The following GPC6 variants were observed in gnomAD, a reference collection of about 807,000 sequenced individuals.
GPC6 encodes the protein glypican-6.
A neutral mutation model predicts 55.2 loss-of-function variants in GPC6; 14 were observed. The ratio of observed to expected loss-of-function variants is 0.25; its 90% CI spans 0.17 to 0.40. The LOEUF is 0.40. GPC6 is among the 10% of genes least tolerant of loss of function. The probability of loss-of-function intolerance (pLI) is 1.00; values close to 1 mark genes in which losing one functional copy is unlikely to be tolerated. For synonymous variants in GPC6, 278 were observed against 259.6 expected (o/e 1.07, Z -0.68); for missense variants, 641 against 708.5 (o/e 0.90, Z 1.08).
intron 1 of GPC6, among the ~76,000 whole-genome samples, chr13:93,356,591 A>G (rs1392200230): frequency 6.6e-6 from 1 of 152,234 alleles, no homozygotes; most frequent in African/African-American, 2.4e-5. Flanking sequence ...TTTTATGTCC[A>G]GTAAAAGTCA....
chr13:93,989,651 C>T (rs1881202028), intron 3 of GPC6, among the ~76,000 whole-genome samples: 1 of 152,050 alleles, frequency 6.6e-6, no homozygotes, highest in African/African-American at 2.4e-5. Flanking sequence ...CATCAAGCAG[C>T]AATAATGTCA....
At chr13:93,886,044 A>G (rs1875305186) in intron 3 of GPC6, among the ~76,000 whole-genome samples, 1 of 152,114 alleles carries the variant, frequency 6.6e-6, no homozygotes, top group Non-Finnish European at 1.5e-5. Context: ...TTTGAATGTT[A>G]TTGAAATAGT....
intron 1 of GPC6, among the ~76,000 whole-genome samples, chr13:93,389,291 A>T: frequency 6.6e-6 from 1 of 151,770 alleles, no homozygotes; most frequent in African/African-American, 2.4e-5. Context: ...AGGTCAGGAG[A>T]TCGAGACCAT....
At chr13:94,271,382 G>GCGCGCACACACACACACA (rs1491286473) in intron 4 of GPC6, among the ~76,000 whole-genome samples, 6 of 126,684 alleles carry the variant, frequency 4.7e-5, no homozygotes, top group African/African-American at 1.8e-4. Context: ...GCGCGCGCGC[G>GCGCGCACACACACACACA]CACACACACA....
chr13:93,934,264 G>A (rs1346698689), intron 3 of GPC6, among the ~76,000 whole-genome samples: 2 of 152,104 alleles, frequency 1.3e-5, no homozygotes, highest in African/African-American at 4.8e-5. Flanking sequence ...GAGATGAGCT[G>A]CTAAGTATAA....
chr13:93,691,579 C>CT (rs1882259018), intron 2 of GPC6, among the ~76,000 whole-genome samples: 1 of 151,448 alleles, frequency 6.6e-6, no homozygotes, highest in Non-Finnish European at 1.5e-5. Flanking sequence ...CCATGAAACA[C>CT]TTTTTTCAGA....
intron 2 of GPC6, among the ~76,000 whole-genome samples, chr13:93,685,216 C>T (rs1038795101): frequency 5.3e-5 from 8 of 152,260 alleles, no homozygotes; most frequent in African/African-American, 1.9e-4. Context: ...TCAAGGCAGA[C>T]CAGTGCCTGT....
chr13:94,196,798 C>T (rs76989178), intron 4 of GPC6, among the ~76,000 whole-genome samples: 125 of 152,158 alleles, frequency 8.2e-4, no homozygotes, highest in East Asian at 7.7e-3. Flanking sequence ...CCATATTTGA[C>T]GGAAAAGGAA....
At chr13:93,782,834 ATATT>A (rs1278339230) in intron 2 of GPC6, among the ~76,000 whole-genome samples, 1 of 152,030 alleles carries the variant, frequency 6.6e-6, no homozygotes, top group Non-Finnish European at 1.5e-5. Flanking sequence ...ATTCTGGGTA[ATATT>A]TATTTATTAT....
intron 1 of GPC6, among the ~76,000 whole-genome samples, chr13:93,326,596 A>C (rs1879665360): frequency 6.6e-6 from 1 of 152,202 alleles, no homozygotes; most frequent in Non-Finnish European, 1.5e-5. Context: ...CTTTTGCAGA[A>C]AGTCCATAAT....
intron 4 of GPC6, among the ~76,000 whole-genome samples, chr13:94,122,208 C>T (rs1224786100): frequency 2.0e-5 from 3 of 151,956 alleles, no homozygotes; most frequent in East Asian, 3.9e-4. Flanking sequence ...ATAGAGAATA[C>T]ACCTGATTTT....
chr13:93,731,464 G>C (rs1883817305), intron 2 of GPC6, among the ~76,000 whole-genome samples: 1 of 152,150 alleles, frequency 6.6e-6, no homozygotes, highest in African/African-American at 2.4e-5. Flanking sequence ...CTGGAAATTA[G>C]CTTGGTGGTT....
At position 93,732,655 on chromosome 13, in the gene GPC6, A is replaced by G. The variant is rs544795658; in HGVS notation, c.320-97499A>G. On this transcript the variant is annotated intron_variant, in intron 2 of 8. Coordinates refer to ENST00000377047, the MANE Select transcript of GPC6 (RefSeq NM_005708.5). ...AAGTAGGGTTTCTGAAACAAATTCA[A>G]TAAATGTATTTTAAGAAATTGCTCT... Among the ~76,000 whole-genome samples the G allele has an allele frequency of 5.9e-5, 9 of 152,294 alleles. 1 individual carries two copies. In the South Asian group the frequency reaches 1.9e-3, roughly 32 times the overall value.
At chr13:93,415,800 G>C (rs756914538) in intron 1 of GPC6, among the ~76,000 whole-genome samples, 1 of 152,012 alleles carries the variant, frequency 6.6e-6, no homozygotes, top group Non-Finnish European at 1.5e-5. Flanking sequence ...GAACAGCCTA[G>C]CTGTATCTTT....
Position 93,691,277 on chromosome 13 carries a change from G to A in GPC6, c.320-138877G>A, listed in dbSNP as rs139204613. Among the ~76,000 whole-genome samples, 197 of 152,234 alleles carry A rather than the reference G, an allele frequency of 1.3e-3. 1 individual carries two copies. Among genetic ancestry groups the A allele is most frequent in the African/African-American group, 4.5e-3 (188 of 41,568 alleles). On this transcript the variant is annotated intron_variant, in intron 2 of 8. Coordinates refer to ENST00000377047, the MANE Select transcript of GPC6 (RefSeq NM_005708.5). ...TAAGTCTGTATATTTTAGTTATAAT[G>A]TAGAGAAGTGATCTACCAAAAGAAC... is the stretch of plus-strand genomic sequence containing the variant.
intron 4 of GPC6, among the ~76,000 whole-genome samples, chr13:94,172,102 C>T (rs1464892318): frequency 2.6e-5 from 4 of 152,114 alleles, no homozygotes; most frequent in Non-Finnish European, 4.4e-5. Context: ...CAGCAACTTG[C>T]CCTCAGGCAC....
intron 1 of GPC6, among the ~76,000 whole-genome samples, chr13:93,291,865 T>G (rs1878330623): frequency 6.6e-6 from 1 of 152,150 alleles, no homozygotes; most frequent in Admixed American, 6.5e-5. Flanking sequence ...CTTCTTTTAA[T>G]TTCTCTCCTG....
chr13:93,745,664 C>T (rs751032300), intron 2 of GPC6, among the ~76,000 whole-genome samples: 6 of 152,148 alleles, frequency 3.9e-5, no homozygotes, highest in Non-Finnish European at 8.8e-5. Context: ...CAGTAGGAAG[C>T]CACAGCTCCC....
At chr13:94,154,909 T>G (rs1275558027) in intron 4 of GPC6, among the ~76,000 whole-genome samples, 6 of 152,274 alleles carry the variant, frequency 3.9e-5, no homozygotes, top group Middle Eastern at 6.8e-3. Context: ...CTGCAGATAT[T>G]CAAAAAAGTA....
Sources: allele counts gnomAD v4.1 joint callset (sites outside exome capture counted in the v4.1 genomes callset), GRCh38; gene constraint gnomAD v4.1.1; transcripts MANE v1.5; gene names NCBI Gene and HGNC (gene_info 2026-07-23, HGNC 2026-07-21).